BEST3: variants seen among roughly 807,000 people sequenced by gnomAD.
BEST3 encodes bestrophin-3.
BEST3 carries 50 observed loss-of-function variants against 47.1 expected under a neutral mutation model. The ratio of observed to expected loss-of-function variants is 1.06; its 90% CI spans 0.85 to 1.34. The LOEUF is 1.34. Ranked by LOEUF, BEST3 falls within the 40% of genes most tolerant of loss-of-function variation. The pLI is 0.00. For missense variants in BEST3, 765 were observed against 817.0 expected, an observed-to-expected ratio of 0.94 and a Z score of 0.78; for synonymous variants, 282 against 298.8, an observed-to-expected ratio of 0.94 and a Z score of 0.58.
chr12:69,697,476 G>C (rs1431275182), intron 2 of BEST3, among the ~76,000 whole-genome samples, 171 bp downstream of exon 2: 1 of 152,108 alleles, frequency 6.6e-6, no homozygotes, highest in Non-Finnish European at 1.5e-5. Flanking sequence ...ACCTAACAAT[G>C]GTTAGTGGTG....
Position 69,643,816 on chromosome 12 carries a change from T to C in BEST3, c.1101-29A>G, listed in dbSNP as rs139516290. On this transcript the variant is annotated intron_variant, in intron 9 of 9. Transcript: ENST00000331471. ...GGGAGAAGGGGAGAAGGGAGAATGG[T>C]CTTTTCTTTCTACACGTATACAGGT... 29 of 702,046 alleles carry C rather than the reference T, an allele frequency of 4.1e-5. No homozygotes were observed. The African/African-American group carries it at 4.4e-4, about 11-fold the overall frequency. 43.5% of individuals were successfully genotyped at this position (702,046 alleles called of 1,614,324 possible).
At chr12:69,658,988 G>A (rs11177780) in intron 9 of BEST3, among the ~76,000 whole-genome samples, 16,302 of 152,206 alleles carry the variant, frequency 0.11, 1,159 homozygotes, top group Middle Eastern at 0.17. Context: ...GGTGTCCATG[G>A]TGGAAGGGTA....
Position 69,654,074 on chromosome 12 carries a change from A to C in BEST3, c.*833T>G. The stretch of plus-strand genomic sequence containing the variant: ...ATCACTCCTATATGCCTTCCACTGG[A>C]AGTGAGACTGGAAGGGTATCAGGCT... On this transcript the variant is annotated 3_prime_UTR_variant, in exon 10 of 10. Transcript: ENST00000330891. 1 of 985,376 alleles carries C rather than the reference A, an allele frequency of 1.0e-6. No individual in the cohort carries two copies. The allele number at this position is 985,376 out of a possible 1,614,324, so 61.0% of individuals were successfully genotyped here. A position where few individuals can be genotyped will look rare whatever the true frequency, so the allele number is the denominator to read the frequency against.
At chr12:69,646,417 T>G (rs561683397) in intron 9 of BEST3, among the ~76,000 whole-genome samples, 3 of 152,166 alleles carry the variant, frequency 2.0e-5, no homozygotes, top group African/African-American at 7.2e-5. Context: ...TTATTTATTT[T>G]TTTCTTTCCT....
intron 2 of BEST3, 45 bp from the exon 3 acceptor site, chr12:69,694,509 C>G: frequency 5.0e-6 from 5 of 1,005,246 alleles, no homozygotes; most frequent in Non-Finnish European, 7.3e-6. Context: ...TATTATACTT[C>G]TGCACCTGCT....
intron 2 of BEST3, 82 bp downstream of exon 2, chr12:69,697,565 G>T: frequency 1.7e-6 from 2 of 1,152,634 alleles, no homozygotes; most frequent in Non-Finnish European, 2.4e-6. Context: ...GAAGTCAGTG[G>T]CAATCAAAAG....
chr12:69,670,171 T>C (rs1384598826), intron 9 of BEST3: 5 of 333,574 alleles, frequency 1.5e-5, no homozygotes, highest in Admixed American at 4.0e-5. Context: ...CATGAAGCTC[T>C]GCCCCTGCAG....
At position 69,678,819 on chromosome 12, in the gene BEST3, T is replaced by C; in HGVS notation, c.556A>G (p.Ile186Val). ...SPHLKYWVPF[I>V]WFGNLATKAR... ...TTAGTTGCAAGATTTCCAAACCAGA[T>C]GAATGGAACCCAATATTTCAGATGA... Residue 186 changes from isoleucine to valine, a missense_variant, in exon 5 of 10, where the codon ATC becomes GTC. Ile to Val is a conservative substitution (Grantham distance 29). Coordinates refer to ENST00000330891, the MANE Select transcript of BEST3 (RefSeq NM_032735.3). 6.2e-7 allele frequency: 1 copy of C among 1,613,976 alleles called. No homozygotes were observed. The highest frequency in any genetic ancestry group is 8.5e-7 in the Non-Finnish European group (1 of 1,179,848).
intron 4 of BEST3, among the ~76,000 whole-genome samples, chr12:69,680,262 G>A (rs1187475290): frequency 6.7e-6 from 1 of 149,988 alleles, no homozygotes; most frequent in Non-Finnish European, 1.5e-5. Context: ...ATATACCAGG[G>A]TTTGTTTGCA....
intron 2 of BEST3, among the ~76,000 whole-genome samples, chr12:69,695,056 T>A (rs1886081391): frequency 6.6e-6 from 1 of 152,200 alleles, no homozygotes; most frequent in Admixed American, 6.5e-5. Flanking sequence ...TTAGTCACTC[T>A]CTCAAAATTT....
At chr12:69,694,182 A>G in intron 3 of BEST3, 188 bp downstream of exon 3, 1 of 574,606 alleles carries the variant, frequency 1.7e-6, no homozygotes, top group Non-Finnish European at 3.1e-6. Context: ...TTATTTCCTC[A>G]AACTTGTTTG....
chr12:69,676,689 G>A (rs1321931409), intron 7 of BEST3, among the ~76,000 whole-genome samples: 2 of 152,146 alleles, frequency 1.3e-5, no homozygotes, highest in African/African-American at 4.8e-5. Flanking sequence ...AGAATCAATA[G>A]CCATAAGAGT....
chr12:69,669,298 C>T (rs1884419219), intron 9 of BEST3, among the ~76,000 whole-genome samples: 1 of 152,124 alleles, frequency 6.6e-6, no homozygotes, highest in Non-Finnish European at 1.5e-5. Flanking sequence ...TACAGAAAAT[C>T]AAGATCAAGT....
In BEST3 at chr12:69,655,752, G is replaced by T; in HGVS notation, c.1162C>A (p.Arg388=). ...WLWDYEKHGH[R]HSMIRRVKRF... ...TTGACTCTTCTTATCATGGAATGCC[G>T]ATGGCCATGCTTCTCATAATCCCAC... Residue 388 remains arginine (R), a synonymous_variant, in exon 10 of 10, where the codon CGG becomes AGG. Coordinates refer to ENST00000330891, the MANE Select transcript of BEST3 (RefSeq NM_032735.3). 3 of 1,613,792 alleles carry T rather than the reference G, an allele frequency of 1.9e-6. No individual in the cohort carries two copies. The highest frequency in any genetic ancestry group is 2.5e-6 in the Non-Finnish European group (3 of 1,179,918).
chr12:69,686,631 G>A (rs1481470225), intron 4 of BEST3, among the ~76,000 whole-genome samples: 1 of 151,914 alleles, frequency 6.6e-6, no homozygotes, highest in Non-Finnish European at 1.5e-5. Context: ...AATTAGCCGG[G>A]TGTGGTGGCC....
In BEST3 at chr12:69,693,803, C is replaced by T. The variant is rs143236582; in HGVS notation, c.352G>A (p.Asp118Asn). 305 of 1,614,038 alleles carry T rather than the reference C, an allele frequency of 1.9e-4. No homozygotes were observed. The highest frequency in any genetic ancestry group is 9.9e-4 in the Middle Eastern group (6 of 6,074). ...CTTCTAAGCAGGCGCCCGTGCTCGT[C>T]GCTTCCGTGAACACTGCTAGAGATG... ...FLISSSVHGS[D>N]EHGRLLRRTL... Residue 118 changes from aspartate (D) to asparagine (N), a missense_variant, in exon 4 of 10, where the codon GAC becomes AAC. Physicochemically the swap from Asp to Asn is conservative, Grantham distance 23 (BLOSUM62 1). Coordinates refer to ENST00000330891, the MANE Select transcript of BEST3 (RefSeq NM_032735.3).
intron 4 of BEST3, among the ~76,000 whole-genome samples, chr12:69,681,227 C>T (rs1462113589): frequency 6.6e-6 from 1 of 151,904 alleles, no homozygotes; most frequent in East Asian, 1.9e-4. Flanking sequence ...AATTCTGATA[C>T]TACATTCAGA....
chr12:69,662,437 T>C (rs775511), intron 9 of BEST3, among the ~76,000 whole-genome samples: 138,073 of 152,212 alleles, frequency 0.91, 62,718 homozygotes, highest in Middle Eastern at 0.99. Flanking sequence ...AGTCTTCACT[T>C]ACTAAAATAT....
At chr12:69,680,310 C>CTTTTTTTTTTTTTTTTT (rs1555207049) in intron 4 of BEST3, among the ~76,000 whole-genome samples, 4 of 95,006 alleles carry the variant, frequency 4.2e-5, no homozygotes, top group African/African-American at 1.7e-4. Context: ...TACACTTGAT[C>CTTTTTTTTTTTTTTTTT]TTTTTTTTTT....
Sources: allele counts gnomAD v4.1 joint callset (sites outside exome capture counted in the v4.1 genomes callset), GRCh38; gene constraint gnomAD v4.1.1; transcripts MANE v1.5; gene names NCBI Gene and HGNC (gene_info 2026-07-23, HGNC 2026-07-21).